GFRAL: variants seen among roughly 807,000 people sequenced by gnomAD.
The protein encoded by GFRAL is GDNF family receptor alpha-like.
GFRAL carries 36 observed loss-of-function variants against 45.4 expected under a neutral mutation model. The observed-to-expected ratio is 0.79, with a 90% CI of 0.61 to 1.05. GFRAL has a LOEUF of 1.05. Ranked by LOEUF, GFRAL falls within the 50% of genes least tolerant of loss-of-function variation. The pLI is 0.00. For synonymous variants in GFRAL, 166 were observed against 154.1 expected (o/e 1.08, Z -0.57); for missense variants, 507 against 467.5 (o/e 1.08, Z -0.78).
chr6:55,330,852 A>G (rs1479033194), intron 1 of GFRAL, among the ~76,000 whole-genome samples: 1 of 152,184 alleles, frequency 6.6e-6, no homozygotes, highest in East Asian at 1.9e-4. Context: ...AAGTTAAACA[A>G]ATGCTCAAAG....
intron 4 of GFRAL, among the ~76,000 whole-genome samples, chr6:55,350,482 C>G (rs1768101701): frequency 6.6e-6 from 1 of 151,934 alleles, no homozygotes; most frequent in Non-Finnish European, 1.5e-5. Context: ...TGAGACCAAC[C>G]TGGACAACAT....
intron 6 of GFRAL, among the ~76,000 whole-genome samples, chr6:55,377,003 A>G (rs1309041789): frequency 6.6e-6 from 1 of 151,786 alleles, no homozygotes; most frequent in Non-Finnish European, 1.5e-5. Context: ...TTGACAACCA[A>G]TTTCTACCTG....
intron 6 of GFRAL, among the ~76,000 whole-genome samples, chr6:55,390,698 A>G (rs1245064641): frequency 6.6e-6 from 1 of 151,406 alleles, no homozygotes; most frequent in South Asian, 2.1e-4. Flanking sequence ...GACCAGCCTG[A>G]CCAACATGGT....
Position 55,333,851 on chromosome 6 carries a change from GA to G in GFRAL, c.226del (p.Ser76AlafsTer18). The G allele has an allele frequency of 6.2e-7, 1 of 1,610,836 alleles. No individual in the cohort carries two copies. Among genetic ancestry groups the G allele is most frequent in the South Asian group, 1.1e-5 (1 of 90,722 alleles). On this transcript the variant is annotated frameshift_variant, in exon 3 of 9. Coordinates refer to ENST00000340465, the MANE Select transcript of GFRAL (RefSeq NM_207410.2). LOFTEE classifies it high-confidence loss of function. ...TAACCTGAGTATCCAGTACTTAGTG[GA>G]AAGCAATTTCCAATTTAAAGAGTGT... ...YCNLSIQYLV[E>X]SNFQFKECLC...
chr6:55,349,607 A>C (rs948473788), intron 3 of GFRAL, among the ~76,000 whole-genome samples: 9 of 152,094 alleles, frequency 5.9e-5, no homozygotes, highest in Non-Finnish European at 1.0e-4. Context: ...GAGATTTTTC[A>C]ATACTATAAT....
At chr6:55,368,017 G>T (rs1246891247) in intron 6 of GFRAL, among the ~76,000 whole-genome samples, 1 of 147,722 alleles carries the variant, frequency 6.8e-6, no homozygotes, top group Non-Finnish European at 1.5e-5. Context: ...AGTTCTCCTG[G>T]ATAATATCCT....
chr6:55,386,503 G>T (rs1768683906), intron 6 of GFRAL, among the ~76,000 whole-genome samples: 1 of 152,058 alleles, frequency 6.6e-6, no homozygotes, highest in Non-Finnish European at 1.5e-5. Context: ...TGTGTATAGG[G>T]AATCTTTATC....
intron 6 of GFRAL, among the ~76,000 whole-genome samples, chr6:55,378,745 A>G (rs1768567692): frequency 6.6e-6 from 1 of 151,698 alleles, no homozygotes; most frequent in Non-Finnish European, 1.5e-5. Context: ...CATGAGTCTT[A>G]CTTCTAGCCA....
rs150030236 is a variant in GFRAL at position 55,337,598 on chromosome 6, T to C, written c.316+3654T>C. Among the ~76,000 whole-genome samples, 9 of 152,328 alleles carry C rather than the reference T, an allele frequency of 5.9e-5. No homozygotes were observed. The East Asian group carries it at 1.2e-3, about 20-fold the overall frequency. On this transcript the variant is annotated intron_variant, in intron 3 of 8. Coordinates refer to ENST00000340465, the MANE Select transcript of GFRAL (RefSeq NM_207410.2). ...TGTTAACTTGTTGTAAGACTATTCTTGTTATCTATTTCTTCATGAGTGAGC... is the reference window on the plus strand; with the variant it reads ...TGTTAACTTGTTGTAAGACTATTCTCGTTATCTATTTCTTCATGAGTGAGC...
chr6:55,380,967 G>A lies in GFRAL; in HGVS notation c.953-18213G>A, dbSNP rs139145796. On this transcript the variant is annotated intron_variant, in intron 6 of 8. Coordinates refer to ENST00000340465, the MANE Select transcript of GFRAL (RefSeq NM_207410.2). Reference sequence around the variant, plus strand: ...AAAGAATCAGGAATTAACAAGACCAGGCTGCTACTGCTCACTTTAATAAAA... The same window carrying A: ...AAAGAATCAGGAATTAACAAGACCAAGCTGCTACTGCTCACTTTAATAAAA... Among the ~76,000 whole-genome samples the A allele has an allele frequency of 1.1e-3, 167 of 152,014 alleles. 1 individual carries two copies. Among genetic ancestry groups the A allele is most frequent in the African/African-American group, 3.8e-3 (158 of 41,506 alleles).
At chr6:55,371,515 G>A (rs1284448731) in intron 6 of GFRAL, among the ~76,000 whole-genome samples, 1 of 151,996 alleles carries the variant, frequency 6.6e-6, no homozygotes, top group African/African-American at 2.4e-5. Context: ...GAGCACCCTT[G>A]CCTTGTTCCT....
At chr6:55,366,305 A>G (rs1474680850) in intron 6 of GFRAL, among the ~76,000 whole-genome samples, 1 of 151,462 alleles carries the variant, frequency 6.6e-6, no homozygotes, top group African/African-American at 2.4e-5. Flanking sequence ...ATCATTTTTT[A>G]TTGCATCTAT....
In GFRAL at chr6:55,333,918, T is replaced by A. The variant is rs757663337; in HGVS notation, c.290T>A (p.Leu97His). The change falls in exon 3 of 9, where the codon CTT (leucine) becomes CAT (histidine). Residue 97 changes from leucine to histidine, a missense_variant. By Grantham distance (99) the Leu-to-His change is moderately conservative. Coordinates refer to ENST00000340465, the MANE Select transcript of GFRAL (RefSeq NM_207410.2). ...TTCTATTGTACTGTGAACAAACTGC[T>A]TGGAAAAAAATGTATCAATAAATCA... ...DDFYCTVNKL[L>H]GKKCINKSDN... is the part of the protein sequence containing the mutation. 4 of 1,554,514 alleles carry A rather than the reference T, an allele frequency of 2.6e-6. No individual in the cohort carries two copies. The highest frequency in any genetic ancestry group is 1.7e-6 in the Non-Finnish European group (2 of 1,151,194).
In GFRAL at chr6:55,358,930, G is replaced by A. The variant is rs748931694; in HGVS notation, c.744G>A (p.Val248=). Residue 248 remains valine, a synonymous_variant, in exon 6 of 9, where the codon GTG becomes GTA. Transcript: ENST00000340465. ...RTFQSKCWQR[V]TRKCHEDENC... is the part of the protein sequence containing the mutation. ...TTCAGTCAAAATGCTGGCAGCGTGT[G>A]ACTAGAAAGTGCCATGAAGATGAGA... 8.1e-6 allele frequency: 13 copies of A among 1,612,568 alleles called. No homozygotes were observed. The highest frequency in any genetic ancestry group is 3.3e-4 in the Middle Eastern group (2 of 6,074).
At chr6:55,368,341 T>G (rs1472778421) in intron 6 of GFRAL, among the ~76,000 whole-genome samples, 377 of 148,816 alleles carry the variant, frequency 2.5e-3, no homozygotes, top group Admixed American at 5.2e-3. Context: ...TTATACATTC[T>G]TCTAAATTTT....
chr6:55,351,352 C>T lies in GFRAL; in HGVS notation c.470C>T (p.Ala157Val). Residue 157 changes from alanine to valine, a missense_variant, in exon 5 of 9, where the codon GCA becomes GTA. By Grantham distance (64) the Ala-to-Val change is moderately conservative. Transcript: ENST00000340465. ...QLASYLKACS[A>V]NGNPCDLKQC... ...GCCTCTTACCTTAAAGCTTGCTCAG[C>T]AAATGGAAATCCGTGTGATCTGAAA... is the stretch of plus-strand genomic sequence containing the variant. The T allele has an allele frequency of 6.2e-7, 1 of 1,613,586 alleles. No individual in the cohort carries two copies. Among genetic ancestry groups the T allele is most frequent in the Non-Finnish European group, 8.5e-7 (1 of 1,179,700 alleles).
chr6:55,339,402 C>T (rs1767932592), intron 3 of GFRAL, among the ~76,000 whole-genome samples: 1 of 151,888 alleles, frequency 6.6e-6, no homozygotes, highest in South Asian at 2.1e-4. Context: ...ATCAAGCTGG[C>T]ATTGGGAAGC....
chr6:55,369,185 G>C (rs1003561185), intron 6 of GFRAL, among the ~76,000 whole-genome samples: 1 of 152,086 alleles, frequency 6.6e-6, no homozygotes, highest in African/African-American at 2.4e-5. Flanking sequence ...GCAGTATTCG[G>C]GTGGGAGTGA....
chr6:55,348,010 T>C (rs1463393072), intron 3 of GFRAL, among the ~76,000 whole-genome samples: 3 of 152,162 alleles, frequency 2.0e-5, no homozygotes, highest in African/African-American at 7.2e-5. Context: ...TTTCTGATAT[T>C]ATCAATGTTA....
Sources: gnomAD v4.1 joint callset for allele counts (sites outside exome capture counted in the v4.1 genomes callset) on GRCh38, gnomAD v4.1.1 for gene constraint, MANE v1.5 for transcripts, NCBI Gene and HGNC (gene_info 2026-07-23, HGNC 2026-07-21) for gene names.